Variants in FBN1 observed in about 807,000 individuals in gnomAD.
The protein encoded by FBN1 is fibrillin-1.
Under a neutral mutation model 365.1 loss-of-function variants are expected in FBN1, and 29 were observed. The ratio of observed to expected loss-of-function variants is 0.08; its 90% confidence interval spans 0.06 to 0.11. FBN1 has a LOEUF of 0.11. Among genes scored for constraint, FBN1 ranks in the 10% least tolerant of loss-of-function variants. The probability of loss-of-function intolerance (pLI) is 1.00; values close to 1 mark genes in which losing one functional copy is unlikely to be tolerated. For synonymous variants in FBN1, 1,210 were observed against 1,270.5 expected (o/e 0.95, Z 1.01); for missense variants, 2,476 against 3,703.2 (o/e 0.67, Z 8.60).
chr15:48,567,280 A>G (rs1303279740), intron 6 of FBN1, among the ~76,000 whole-genome samples: 1 of 152,154 alleles, frequency 6.6e-6, no homozygotes, highest in Non-Finnish European at 1.5e-5. Flanking sequence ...TTATTTGTAT[A>G]TTTTTGTATG....
chr15:48,453,328 A>G (rs945339879), intron 44 of FBN1, among the ~76,000 whole-genome samples: 2 of 147,796 alleles, frequency 1.4e-5, no homozygotes, highest in Admixed American at 6.8e-5. Flanking sequence ...AAAGGAAAAA[A>G]AAAGGAAAAA....
chr15:48,640,263 T>A (rs978600781), intron 2 of FBN1, among the ~76,000 whole-genome samples: 15 of 152,298 alleles, frequency 9.8e-5, no homozygotes, highest in South Asian at 8.3e-4. Context: ...TGTCTCTACC[T>A]TCTTGTTTCA....
intron 45 of FBN1, among the ~76,000 whole-genome samples, chr15:48,449,799 GCT>G (rs1434714689): frequency 1.3e-5 from 2 of 152,104 alleles, no homozygotes; most frequent in Admixed American, 6.6e-5. Flanking sequence ...ATGGCATTTC[GCT>G]CTTAGTTAAA....
intron 42 of FBN1, among the ~76,000 whole-genome samples, chr15:48,462,633 C>A (rs55879205): frequency 6.6e-6 from 1 of 152,036 alleles, no homozygotes; most frequent in Non-Finnish European, 1.5e-5. Flanking sequence ...TTCTTGTTTG[C>A]CATTTGCCTT....
intron 32 of FBN1, 106 bp downstream of exon 32, chr15:48,481,549 A>T: frequency 8.3e-7 from 1 of 1,202,544 alleles, no homozygotes; most frequent in Non-Finnish European, 1.2e-6. Flanking sequence ...AAAATGTTTT[A>T]TAATATAGTT....
chr15:48,611,045 C>T (rs778793259), intron 3 of FBN1, among the ~76,000 whole-genome samples: 59 of 152,190 alleles, frequency 3.9e-4, no homozygotes, highest in South Asian at 6.2e-4. Context: ...TATCCAGTCA[C>T]GGTGGTTCTC....
rs186827467 is a variant in FBN1 at position 48,562,098 on chromosome 15, G to A, written c.539-24290C>T. 3.0e-3 allele frequency among the ~76,000 whole-genome samples: 452 copies of A among 152,272 alleles called. 3 individuals are homozygous for A. Among genetic ancestry groups the A allele is most frequent in the African/African-American group, 0.011 (437 of 41,558 alleles). ...TTGGGCAACACTGGACTGGATGTTAGAAGAATGGAATCAAGCCTGGACTCC... is the reference window on the plus strand; with the variant it reads ...TTGGGCAACACTGGACTGGATGTTAAAAGAATGGAATCAAGCCTGGACTCC... On this transcript the variant is annotated intron_variant, in intron 6 of 65. Transcript: ENST00000316623.
intron 9 of FBN1, among the ~76,000 whole-genome samples, chr15:48,522,165 T>C (rs2043863275): frequency 6.6e-6 from 1 of 152,196 alleles, no homozygotes; most frequent in Non-Finnish European, 1.5e-5. Flanking sequence ...GATGGGACCA[T>C]CTAATTGCAG....
chr15:48,500,292 G>A (rs539426498), intron 17 of FBN1, among the ~76,000 whole-genome samples: 3 of 152,356 alleles, frequency 2.0e-5, no homozygotes, highest in Non-Finnish European at 4.4e-5. Context: ...CAATTTTGCT[G>A]ATGTTTGGCC....
intron 6 of FBN1, among the ~76,000 whole-genome samples, chr15:48,564,688 A>G (rs2044247130): frequency 6.6e-6 from 1 of 152,202 alleles, no homozygotes; most frequent in African/African-American, 2.4e-5. Flanking sequence ...TTCATGATAA[A>G]ACTAGAACTG....
chr15:48,463,375 A>G, intron 41 of FBN1, 135 bp from the exon 42 acceptor site: 1 of 897,180 alleles, frequency 1.1e-6, no homozygotes, highest in Non-Finnish European at 1.8e-6. Context: ...AAGGACACAA[A>G]AAACTTGCTC....
chr15:48,641,714 G>T (rs545900042), intron 2 of FBN1: 3 of 152,308 alleles, frequency 2.0e-5, no homozygotes, highest in African/African-American at 7.2e-5. Context: ...GGTGAGTTTT[G>T]AAGCCGGTAA....
intron 64 of FBN1, 45 bp downstream of exon 64, chr15:48,415,491 C>T (rs750609524): frequency 1.4e-5 from 19 of 1,403,346 alleles, no homozygotes; most frequent in East Asian, 4.6e-5. Flanking sequence ...AATTATATTA[C>T]GAATGAAAGA....
intron 4 of FBN1, among the ~76,000 whole-genome samples, chr15:48,610,417 T>C (rs148470476): frequency 5.3e-5 from 8 of 152,270 alleles, no homozygotes; most frequent in African/African-American, 1.7e-4. Flanking sequence ...AACCATTTCA[T>C]TGAGCACCTT....
At chr15:48,465,346 T>G (rs372157409) in intron 40 of FBN1, among the ~76,000 whole-genome samples, 157 of 152,334 alleles carry the variant, frequency 1.0e-3, no homozygotes, top group African/African-American at 3.6e-3. Context: ...TAAGATTCTG[T>G]TTTTCTCAGG....
chr15:48,437,723 C>A (rs201419274), intron 51 of FBN1, 45 bp downstream of exon 51: 1 of 1,610,088 alleles, frequency 6.2e-7, no homozygotes, highest in East Asian at 2.2e-5. Context: ...CATGGCCAGT[C>A]TGCACCCTGC....
At chr15:48,484,221 A>G (rs1049994687) in intron 30 of FBN1, among the ~76,000 whole-genome samples, 3 of 152,212 alleles carry the variant, frequency 2.0e-5, no homozygotes, top group Admixed American at 1.3e-4. Context: ...CATTTAATTT[A>G]TCATTCAAAA....
rs1203327188 is a variant in FBN1 at position 48,534,065 on chromosome 15, C to T, written c.862+15G>A. 1 of 1,612,714 alleles carries T rather than the reference C, an allele frequency of 6.2e-7. No individual in the cohort carries two copies. The highest frequency in any genetic ancestry group is 1.3e-5 in the African/African-American group (1 of 74,758). On this transcript the variant is annotated intron_variant, in intron 8 of 65. Transcript: ENST00000316623. Reference sequence around the variant, plus strand: ...CCCACTACACCCCCCAACTGCAAAGCATAAGATTTCTTACCTTCACATTTT... The same window carrying T: ...CCCACTACACCCCCCAACTGCAAAGTATAAGATTTCTTACCTTCACATTTT...
chr15:48,456,843 CGTGTGTGT>C (rs3074895), intron 43 of FBN1, 81 bp from the exon 44 acceptor site: 12 of 744,612 alleles, frequency 1.6e-5, no homozygotes, highest in Non-Finnish European at 2.5e-5. Context: ...AAAGTGCGTG[CGTGTGTGT>C]GTGTGTGTGT....
Sources: gnomAD v4.1 joint callset for allele counts (sites outside exome capture counted in the v4.1 genomes callset) on GRCh38, gnomAD v4.1.1 for gene constraint, MANE v1.5 for transcripts, NCBI Gene and HGNC (gene_info 2026-07-23, HGNC 2026-07-21) for gene names.